OR5AK2: variants seen among roughly 807,000 people sequenced by gnomAD.
OR5AK2 encodes the protein olfactory receptor family 5 subfamily AK member 2.
For synonymous variants in OR5AK2, 176 were observed against 128.2 expected (o/e 1.37, Z -2.52); for missense variants, 438 against 366.3 (o/e 1.20, Z -1.60).
At position 56,989,681 on chromosome 11, in the gene OR5AK2, T is replaced by C. The variant is rs750587102; in HGVS notation, c.768T>C (p.Ser256=). The change falls in exon 1 of 1, where the codon TCT becomes TCC. Residue 256 remains serine, a synonymous_variant. Coordinates refer to ENST00000326855, the MANE Select transcript of OR5AK2 (RefSeq NM_001005323.1). ...TCACCATTTTCTATGGGACACTCTC[T>C]TACATGTATTTGCAGTCTCATTCTA... ...TAVTIFYGTL[S]YMYLQSHSNN... 7 of 1,613,964 alleles carry C rather than the reference T, an allele frequency of 4.3e-6. No homozygotes were observed. The African/African-American group carries it at 6.7e-5, about 15-fold the overall frequency.
In OR5AK2 at chr11:56,989,256, C is replaced by A. The variant is rs1051465254; in HGVS notation, c.343C>A (p.Leu115Met). The change falls in exon 1 of 1, where the codon CTG becomes ATG. Residue 115 changes from leucine (L) to methionine (M), a missense_variant. Physicochemically the swap from Leu to Met is conservative, Grantham distance 15. Coordinates refer to ENST00000326855, the MANE Select transcript of OR5AK2 (RefSeq NM_001005323.1). Reference protein sequence around the residue: ...ATFATSDCYLLAMMAVDPYVA... With the variant: ...ATFATSDCYLMAMMAVDPYVA... ...ATTTGCAACCAGTGACTGTTATCTCCTGGCTATGATGGCAGTGGATCCTTA... is the reference window on the plus strand; with the variant it reads ...ATTTGCAACCAGTGACTGTTATCTCATGGCTATGATGGCAGTGGATCCTTA... 19 of 1,613,948 alleles carry A rather than the reference C, an allele frequency of 1.2e-5. No individual in the cohort carries two copies.
rs1861645212 is a variant in OR5AK2 at position 56,989,227 on chromosome 11, C to A, written c.314C>A (p.Ala105Glu). Reference protein sequence around the residue: ...QGCVIQFLVYATFATSDCYLL... With the variant: ...QGCVIQFLVYETFATSDCYLL... The stretch of plus-strand genomic sequence containing the variant: ...TGTGTGATACAATTCTTAGTTTATG[C>A]AACATTTGCAACCAGTGACTGTTAT... The change falls in exon 1 of 1, where the codon GCA becomes GAA. Residue 105 changes from alanine (A) to glutamate (E), a missense_variant. Ala to Glu is a moderately radical substitution (Grantham distance 107). Transcript: ENST00000326855. The A allele has an allele frequency of 2.5e-6, 4 of 1,614,028 alleles. No individual in the cohort carries two copies. The highest frequency in any genetic ancestry group is 3.4e-6 in the Non-Finnish European group (4 of 1,179,868).
In OR5AK2 at chr11:56,989,349, G is replaced by T. The variant is rs951601029; in HGVS notation, c.436G>T (p.Ala146Ser). The T allele has an allele frequency of 1.9e-6, 3 of 1,614,110 alleles. No homozygotes were observed. The highest frequency in any genetic ancestry group is 1.1e-5 in the South Asian group (1 of 91,066). Reference sequence around the variant, plus strand: ...CCGAACAGTCTGCATCCGTTTGGTAGCTGGTTCATACATCATGGGCTCAAT... The same window carrying T: ...CCGAACAGTCTGCATCCGTTTGGTATCTGGTTCATACATCATGGGCTCAAT... Reference protein sequence around the residue: ...MSRTVCIRLVAGSYIMGSINA... With the variant: ...MSRTVCIRLVSGSYIMGSINA... Residue 146 changes from alanine (A) to serine (S), a missense_variant, in exon 1 of 1, where the codon GCT becomes TCT. Ala to Ser is a moderately conservative substitution (Grantham distance 99). Coordinates refer to ENST00000326855, the MANE Select transcript of OR5AK2 (RefSeq NM_001005323.1).
chr11:56,989,821 T>A lies in OR5AK2; in HGVS notation c.908T>A (p.Val303Glu), dbSNP rs371870476. ...AAGGAAGTAAAAGAAGCTTTAAAAG[T>A]GATAGGGAAAAAGTTATTTTAAATC... ...RNKEVKEALK[V>E]IGKKLF The change falls in exon 1 of 1, where the codon GTG becomes GAG. Residue 303 changes from valine (V) to glutamate (E), a missense_variant. Coordinates refer to ENST00000326855, the MANE Select transcript of OR5AK2 (RefSeq NM_001005323.1). The A allele has an allele frequency of 1.9e-6, 3 of 1,588,146 alleles. No individual in the cohort carries two copies. Among genetic ancestry groups the A allele is most frequent in the Non-Finnish European group, 2.6e-6 (3 of 1,166,574 alleles).
At position 56,989,837 on chromosome 11, in the gene OR5AK2, A is replaced by T. The variant is rs375044294; in HGVS notation, c.924A>T (p.Leu308Phe). Residue 308 changes from leucine (L) to phenylalanine (F), a missense_variant, in exon 1 of 1, where the codon TTA becomes TTT. Physicochemically the swap from Leu to Phe is conservative, Grantham distance 22. Transcript: ENST00000326855. The stretch of plus-strand genomic sequence containing the variant: ...CTTTAAAAGTGATAGGGAAAAAGTT[A>T]TTTTAAATCAGCCCCAGTTGTTAAC... Reference protein sequence around the residue: ...KEALKVIGKKLF With the variant: ...KEALKVIGKKFF 5.1e-6 allele frequency: 8 copies of T among 1,554,684 alleles called. No individual in the cohort carries two copies. In the South Asian group the frequency reaches 6.9e-5, roughly 13 times the overall value.
In OR5AK2 at chr11:56,989,088, AC is replaced by A. The variant is rs1861641892; in HGVS notation, c.176del (p.Thr59SerfsTer33). ...CACAGATTCCAGATTTCAAACACTCACGTACTTTTTTCTACAACATTTGGCT... is the reference window on the plus strand; with the variant it reads ...CACAGATTCCAGATTTCAAACACTCAGTACTTTTTTCTACAACATTTGGCT... ...INTDSRFQTL[T>X]YFFLQHLAFV... On this transcript the variant is annotated frameshift_variant, in exon 1 of 1. Transcript: ENST00000326855. LOFTEE classifies it low-confidence loss of function (END_TRUNC). 1 of 1,613,882 alleles carries A rather than the reference AC, an allele frequency of 6.2e-7. No individual in the cohort carries two copies. Among genetic ancestry groups the A allele is most frequent in the South Asian group, 1.1e-5 (1 of 91,084 alleles).
Position 56,989,607 on chromosome 11 carries a change from G to C in OR5AK2, c.694G>C (p.Ala232Pro), listed in dbSNP as rs980344809. ...MATILKMSSS[A>P]GRKKSFSTCA... The stretch of plus-strand genomic sequence containing the variant: ...CACCATCCTGAAAATGTCTTCTAGT[G>C]CAGGAAGGAAAAAATCCTTCTCAAC... The change falls in exon 1 of 1, where the codon GCA becomes CCA. Residue 232 changes from alanine (A) to proline (P), a missense_variant. By Grantham distance (27) the Ala-to-Pro change is conservative (BLOSUM62 -1). Coordinates refer to ENST00000326855, the MANE Select transcript of OR5AK2 (RefSeq NM_001005323.1). 2 of 1,613,860 alleles carry C rather than the reference G, an allele frequency of 1.2e-6. No homozygotes were observed. The highest frequency in any genetic ancestry group is 1.7e-6 in the Non-Finnish European group (2 of 1,179,938).
Position 56,989,374 on chromosome 11 carries a change from T to C in OR5AK2, c.461T>C (p.Ile154Thr), listed in dbSNP as rs138569216. The C allele has an allele frequency of 7.1e-5, 115 of 1,614,026 alleles. No homozygotes were observed. Among genetic ancestry groups the C allele is most frequent in the Non-Finnish European group, 8.9e-5 (105 of 1,179,990 alleles). Residue 154 changes from isoleucine to threonine, a missense_variant, in exon 1 of 1, where the codon ATA becomes ACA. Physicochemically the swap from Ile to Thr is moderately conservative, Grantham distance 89 (BLOSUM62 -1). Coordinates refer to ENST00000326855, the MANE Select transcript of OR5AK2 (RefSeq NM_001005323.1). The part of the protein sequence containing the change: ...LVAGSYIMGS[I>T]NASVQTGFTC... Reference sequence around the variant, plus strand: ...GCTGGTTCATACATCATGGGCTCAATAAATGCCTCTGTACAAACAGGTTTT... The same window carrying C: ...GCTGGTTCATACATCATGGGCTCAACAAATGCCTCTGTACAAACAGGTTTT...
At position 56,989,101 on chromosome 11, in the gene OR5AK2, T is replaced by A. The variant is rs1430513369; in HGVS notation, c.188T>A (p.Leu63Gln). Residue 63 changes from leucine to glutamine, a missense_variant, in exon 1 of 1, where the codon CTA becomes CAA. Coordinates refer to ENST00000326855, the MANE Select transcript of OR5AK2 (RefSeq NM_001005323.1). ...TTTCAAACACTCACGTACTTTTTTC[T>A]ACAACATTTGGCTTTTGTTGATATC... ...SRFQTLTYFFLQHLAFVDICY... is the reference protein window; with the variant it reads ...SRFQTLTYFFQQHLAFVDICY... 11 of 1,614,024 alleles carry A rather than the reference T, an allele frequency of 6.8e-6. 1 individual carries two copies. Among genetic ancestry groups the A allele is most frequent in the Non-Finnish European group, 9.3e-6 (11 of 1,179,880 alleles).
chr11:56,989,168 C>A lies in OR5AK2; in HGVS notation c.255C>A (p.Phe85Leu). Residue 85 changes from phenylalanine to leucine, a missense_variant, in exon 1 of 1, where the codon TTC (phenylalanine) becomes TTA (leucine). Physicochemically the swap from Phe to Leu is conservative, Grantham distance 22 (BLOSUM62 0). Transcript: ENST00000326855. ...SAITPKMLQS[F>L]TEEKNLMLFQ... ...TCACTCCCAAGATGCTCCAAAGCTTCACAGAAGAAAAGAATTTGATGTTAT... is the reference window on the plus strand; with the variant it reads ...TCACTCCCAAGATGCTCCAAAGCTTAACAGAAGAAAAGAATTTGATGTTAT... The A allele has an allele frequency of 6.2e-7, 1 of 1,614,044 alleles. No individual in the cohort carries two copies. Among genetic ancestry groups the A allele is most frequent in the Non-Finnish European group, 8.5e-7 (1 of 1,179,938 alleles).
rs373349030 is a variant in OR5AK2 at position 56,989,361 on chromosome 11, A to C, written c.448A>C (p.Ile150Leu). 13 of 1,614,034 alleles carry C rather than the reference A, an allele frequency of 8.1e-6. 2 individuals carry two copies. The South Asian group carries it at 1.4e-4, about 18-fold the overall frequency. Residue 150 changes from isoleucine (I) to leucine (L), a missense_variant, in exon 1 of 1, where the codon ATC becomes CTC. By Grantham distance (5) the Ile-to-Leu change is conservative. Transcript: ENST00000326855. The stretch of plus-strand genomic sequence containing the variant: ...CATCCGTTTGGTAGCTGGTTCATAC[A>C]TCATGGGCTCAATAAATGCCTCTGT... ...VCIRLVAGSYIMGSINASVQT... is the reference protein window; with the variant it reads ...VCIRLVAGSYLMGSINASVQT...
At position 56,989,762 on chromosome 11, in the gene OR5AK2, C is replaced by T. The variant is rs1238605005; in HGVS notation, c.849C>T (p.Pro283=). 1.2e-6 allele frequency: 2 copies of T among 1,611,904 alleles called. No individual in the cohort carries two copies. The highest frequency in any genetic ancestry group is 1.7e-6 in the Non-Finnish European group (2 of 1,178,154). The change falls in exon 1 of 1, where the codon CCC becomes CCT. Residue 283 remains proline, a synonymous_variant. Transcript: ENST00000326855. ...VAFIFYGTVI[P]MLNPLIYSLR... ...TTATATTTTATGGCACAGTTATTCC[C>T]ATGTTAAATCCTTTAATCTATAGCT...
In OR5AK2 at chr11:56,989,324, C is replaced by T. The variant is rs752184924; in HGVS notation, c.411C>T (p.Ser137=). The change falls in exon 1 of 1, where the codon TCC becomes TCT. Residue 137 remains serine (S), a synonymous_variant. Coordinates refer to ENST00000326855, the MANE Select transcript of OR5AK2 (RefSeq NM_001005323.1). ...CKPLHYTVIM[S]RTVCIRLVAG... Reference sequence around the variant, plus strand: ...CCCTTCACTATACTGTAATCATGTCCCGAACAGTCTGCATCCGTTTGGTAG... The same window carrying T: ...CCCTTCACTATACTGTAATCATGTCTCGAACAGTCTGCATCCGTTTGGTAG... 4.3e-6 allele frequency: 7 copies of T among 1,613,958 alleles called. No individual in the cohort carries two copies. The African/African-American group carries it at 8.0e-5, about 18-fold the overall frequency.
rs764752780 is a variant in OR5AK2, at chr11:56,989,582, C to T, written c.669C>T (p.Ala223=). 1.9e-6 allele frequency: 3 copies of T among 1,613,986 alleles called. No individual in the cohort carries two copies. The highest frequency in any genetic ancestry group is 1.7e-6 in the Non-Finnish European group (2 of 1,179,982). ...TCTTTTCCTACATCTACATCATGGC[C>T]ACCATCCTGAAAATGTCTTCTAGTG... ...VVIFSYIYIM[A]TILKMSSSAG... Residue 223 remains alanine (A), a synonymous_variant, in exon 1 of 1, where the codon GCC becomes GCT. Coordinates refer to ENST00000326855, the MANE Select transcript of OR5AK2 (RefSeq NM_001005323.1).
rs750321805 is a variant in OR5AK2 at position 56,989,113 on chromosome 11, C to A, written c.200C>A (p.Ala67Asp). The A allele has an allele frequency of 1.9e-6, 3 of 1,613,874 alleles. No homozygotes were observed. Among genetic ancestry groups the A allele is most frequent in the Middle Eastern group, 1.7e-4 (1 of 6,058 alleles). Residue 67 changes from alanine (A) to aspartate (D), a missense_variant, in exon 1 of 1, where the codon GCT becomes GAT. Physicochemically the swap from Ala to Asp is moderately radical, Grantham distance 126 (BLOSUM62 -2). Transcript: ENST00000326855. ...TLTYFFLQHLAFVDICYTSAI... is the reference protein window; with the variant it reads ...TLTYFFLQHLDFVDICYTSAI... ...ACGTACTTTTTTCTACAACATTTGG[C>A]TTTTGTTGATATCTGTTACACTTCT...
In OR5AK2 at chr11:56,989,031, A is replaced by G. The variant is rs777581507; in HGVS notation, c.118A>G (p.Met40Val). The G allele has an allele frequency of 5.6e-6, 9 of 1,613,332 alleles. No homozygotes were observed. The Admixed American group carries it at 1.5e-4, about 27-fold the overall frequency. The part of the protein sequence containing the change: ...VFLLIYVTSI[M>V]GNSGIILLIN... Reference sequence around the variant, plus strand: ...CCTTCTCATCTATGTGACCTCCATAATGGGTAATAGTGGAATAATCTTACT... The same window carrying G: ...CCTTCTCATCTATGTGACCTCCATAGTGGGTAATAGTGGAATAATCTTACT... Residue 40 changes from methionine to valine, a missense_variant, in exon 1 of 1, where the codon ATG becomes GTG. Transcript: ENST00000326855.
chr11:56,988,946 A>T lies in OR5AK2; in HGVS notation c.33A>T (p.Glu11Asp). The T allele has an allele frequency of 1.2e-6, 2 of 1,612,140 alleles. No homozygotes were observed. The highest frequency in any genetic ancestry group is 1.7e-6 in the Non-Finnish European group (2 of 1,179,042). Residue 11 changes from glutamate (E) to aspartate (D), a missense_variant, in exon 1 of 1, where the codon GAA (glutamate) becomes GAT (aspartate). Physicochemically the swap from Glu to Asp is conservative, Grantham distance 45. Transcript: ENST00000326855. The part of the protein sequence containing the change: MTLGNSTEVT[E>D]FYLLGFGAQH... Reference sequence around the variant, plus strand: ...TAGGAAACAGCACTGAAGTCACTGAATTCTATCTTCTGGGATTTGGTGCCC... The same window carrying T: ...TAGGAAACAGCACTGAAGTCACTGATTTCTATCTTCTGGGATTTGGTGCCC...
chr11:56,989,587 T>C lies in OR5AK2; in HGVS notation c.674T>C (p.Ile225Thr), dbSNP rs1370455171. 2 of 1,614,116 alleles carry C rather than the reference T, an allele frequency of 1.2e-6. No homozygotes were observed. Among genetic ancestry groups the C allele is most frequent in the Non-Finnish European group, 1.7e-6 (2 of 1,179,982 alleles). The change falls in exon 1 of 1, where the codon ATC (isoleucine) becomes ACC (threonine). Residue 225 changes from isoleucine to threonine, a missense_variant. Transcript: ENST00000326855. ...TCCTACATCTACATCATGGCCACCA[T>C]CCTGAAAATGTCTTCTAGTGCAGGA... Reference protein sequence around the residue: ...IFSYIYIMATILKMSSSAGRK... With the variant: ...IFSYIYIMATTLKMSSSAGRK...
In OR5AK2 at chr11:56,989,458, C is replaced by A; in HGVS notation, c.545C>A (p.Pro182His). 6.2e-7 allele frequency: 1 copy of A among 1,614,076 alleles called. No homozygotes were observed. The highest frequency in any genetic ancestry group is 8.5e-7 in the Non-Finnish European group (1 of 1,179,968). ...NSINHFFCDV[P>H]PILALSCSNV... Reference sequence around the variant, plus strand: ...ATCAATCACTTTTTCTGTGATGTTCCCCCTATTCTTGCTCTTTCATGCTCC... The same window carrying A: ...ATCAATCACTTTTTCTGTGATGTTCACCCTATTCTTGCTCTTTCATGCTCC... Residue 182 changes from proline to histidine, a missense_variant, in exon 1 of 1, where the codon CCC becomes CAC. By Grantham distance (77) the Pro-to-His change is moderately conservative. Coordinates refer to ENST00000326855, the MANE Select transcript of OR5AK2 (RefSeq NM_001005323.1).
Sources: allele counts gnomAD v4.1 joint callset, GRCh38; gene constraint gnomAD v4.1.1; transcripts MANE v1.5; gene names NCBI Gene and HGNC (gene_info 2026-07-23, HGNC 2026-07-21).